The following RIPOR2 variants were observed in gnomAD, a reference collection of about 807,000 sequenced individuals.
RIPOR2 encodes rho family-interacting cell polarization regulator 2.
Under a neutral mutation model 114.5 loss-of-function variants are expected in RIPOR2, and 39 were observed. The ratio of observed to expected loss-of-function variants is 0.34; its 90% CI spans 0.26 to 0.44. The LOEUF is 0.44. Ranked by LOEUF, RIPOR2 falls within the 20% of genes least tolerant of loss-of-function variation. RIPOR2 has a pLI of 1.00. For missense variants in RIPOR2, 1,007 were observed against 1,255.1 expected (o/e 0.80, Z 2.99); for synonymous variants, 445 against 484.4 (o/e 0.92, Z 1.07).
intron 1 of RIPOR2, among the ~76,000 whole-genome samples, chr6:25,006,661 C>T (rs1775574675): frequency 6.6e-6 from 1 of 152,212 alleles, no homozygotes; most frequent in Non-Finnish European, 1.5e-5. Flanking sequence ...GGAGTACGGA[C>T]TGTACCACCA....
rs1468133302 is a variant in RIPOR2, at chr6:24,973,417, A to G, written c.76+68434T>C. Among the ~76,000 whole-genome samples, 3 of 152,114 alleles carry G rather than the reference A, an allele frequency of 2.0e-5. No individual in the cohort carries two copies. The East Asian group carries it at 5.8e-4, about 29-fold the overall frequency. On this transcript the variant is annotated intron_variant, in intron 1 of 13. Transcript: ENST00000510784. The stretch of plus-strand genomic sequence containing the variant: ...GGAGATCAAGACCATCCTGGCCAAC[A>G]TGGTGAAACCCCCGTTTCTACTAAA...
At chr6:24,932,274 T>G (rs892959815) in intron 1 of RIPOR2, among the ~76,000 whole-genome samples, 19 of 152,224 alleles carry the variant, frequency 1.2e-4, no homozygotes, top group African/African-American at 4.6e-4. Flanking sequence ...AACCATTTTC[T>G]AAATGACGTG....
chr6:24,847,948 C>G, intron 12 of RIPOR2, 77 bp downstream of exon 12: 1 of 1,577,446 alleles, frequency 6.3e-7, no homozygotes, highest in Non-Finnish European at 8.7e-7. Context: ...AGCACTGTCT[C>G]TTAAGCATTT....
At chr6:24,948,877 G>A (rs1391582960) in intron 1 of RIPOR2, among the ~76,000 whole-genome samples, 6 of 152,064 alleles carry the variant, frequency 3.9e-5, no homozygotes, top group Admixed American at 3.9e-4. Flanking sequence ...GTCAGTTCAG[G>A]TTGACCACAG....
At chr6:24,951,793 T>A (rs1772777618) in intron 1 of RIPOR2, among the ~76,000 whole-genome samples, 1 of 152,214 alleles carries the variant, frequency 6.6e-6, no homozygotes, top group Admixed American at 6.5e-5. Flanking sequence ...GGTCCCTAAT[T>A]CACAGAATAA....
At chr6:24,983,137 T>C (rs1774371576) in intron 1 of RIPOR2, among the ~76,000 whole-genome samples, 1 of 151,796 alleles carries the variant, frequency 6.6e-6, no homozygotes, top group African/African-American at 2.4e-5. Flanking sequence ...TTGGCCCAAA[T>C]AAACTCTCTA....
chr6:25,020,733 C>T (rs1776278770), intron 1 of RIPOR2, among the ~76,000 whole-genome samples: 2 of 152,230 alleles, frequency 1.3e-5, no homozygotes, highest in South Asian at 2.1e-4. Flanking sequence ...TTAGATAGCC[C>T]CAATGAGATA....
chr6:24,809,246 G>A (rs796476646), intron 21 of RIPOR2, among the ~76,000 whole-genome samples: 16 of 152,294 alleles, frequency 1.1e-4, no homozygotes, highest in African/African-American at 3.9e-4. Context: ...GGGCTCAGAT[G>A]GGCAGAGGCC....
At chr6:24,957,232 T>A (rs1773080753) in intron 1 of RIPOR2, among the ~76,000 whole-genome samples, 1 of 152,322 alleles carries the variant, frequency 6.6e-6, no homozygotes, top group South Asian at 2.1e-4. Context: ...CGACTCTTTT[T>A]AAGAAACACT....
chr6:24,843,575 A>C (rs763765291), intron 12 of RIPOR2, 21 bp from the exon 13 acceptor site: 1 of 1,443,212 alleles, frequency 6.9e-7, no homozygotes, highest in Non-Finnish European at 9.2e-7. Flanking sequence ...AAGATACCTC[A>C]TTATTATTTT....
At chr6:24,936,330 T>G (rs185671372), upstream of RIPOR2, among the ~76,000 whole-genome samples, 64 of 152,356 alleles carry the variant, frequency 4.2e-4, 1 homozygote, top group Middle Eastern at 6.8e-3. Context: ...TTTGCTTCAA[T>G]TACAATTTAT....
At chr6:24,903,951 G>A (rs928044230) in intron 1 of RIPOR2, among the ~76,000 whole-genome samples, 3 of 152,158 alleles carry the variant, frequency 2.0e-5, no homozygotes, top group Non-Finnish European at 4.4e-5. Context: ...TAGAGTGATC[G>A]GCACTCAGCA....
chr6:24,988,423 C>T (rs186262188), intron 1 of RIPOR2, among the ~76,000 whole-genome samples: 156 of 152,314 alleles, frequency 1.0e-3, no homozygotes, highest in Middle Eastern at 0.01. Context: ...ATCTGCCCTC[C>T]TTGGCCTCCC....
At chr6:24,915,568 T>G (rs1361489875) in intron 1 of RIPOR2, among the ~76,000 whole-genome samples, 1 of 152,194 alleles carries the variant, frequency 6.6e-6, no homozygotes, top group East Asian at 1.9e-4. Flanking sequence ...TTTCACCAGG[T>G]TGGCCAGGCT....
At chr6:24,947,539 T>C (rs189827835) in intron 1 of RIPOR2, among the ~76,000 whole-genome samples, 1 of 152,186 alleles carries the variant, frequency 6.6e-6, no homozygotes, top group Non-Finnish European at 1.5e-5. Context: ...GACCGAATTA[T>C]GGAACGGTCC....
intron 1 of RIPOR2, among the ~76,000 whole-genome samples, chr6:25,002,906 G>A (rs1370914994): frequency 1.3e-5 from 2 of 152,176 alleles, no homozygotes; most frequent in Non-Finnish European, 2.9e-5. Flanking sequence ...AGTTGCAGCC[G>A]GCAATGTGCC....
chr6:25,005,740 T>TATATATATATATATATATATAC (rs1491374316), intron 1 of RIPOR2, among the ~76,000 whole-genome samples: 1 of 104,520 alleles, frequency 9.6e-6, no homozygotes, highest in Non-Finnish European at 2.0e-5. Context: ...TATATATATA[T>TATATATATATATATATATATAC]ACATTTACCG....
At chr6:24,855,765 T>A (rs1763407591) in intron 8 of RIPOR2, among the ~76,000 whole-genome samples, 1 of 152,240 alleles carries the variant, frequency 6.6e-6, no homozygotes. Flanking sequence ...CCAGGCATGG[T>A]GGCTCACACC....
At chr6:24,872,846 C>T (rs1202664086) in intron 4 of RIPOR2, 35 bp downstream of exon 4, 2 of 1,391,552 alleles carry the variant, frequency 1.4e-6, no homozygotes, top group Non-Finnish European at 2.0e-6. Context: ...CTAAAAAGAA[C>T]AGTGTTAACA....
Sources: gnomAD v4.1 joint callset for allele counts (sites outside exome capture counted in the v4.1 genomes callset) on GRCh38, gnomAD v4.1.1 for gene constraint, MANE v1.5 for transcripts, NCBI Gene and HGNC (gene_info 2026-07-23, HGNC 2026-07-21) for gene names.